The following ANKS1B variants were observed in gnomAD, a reference collection of about 807,000 sequenced individuals.
ANKS1B encodes ankyrin repeat and sterile alpha motif domain containing 1B.
ANKS1B carries 36 observed loss-of-function variants against 148.3 expected under a neutral mutation model. That is an observed-to-expected ratio of 0.24 (90% CI 0.19 to 0.32). The LOEUF (loss-of-function observed/expected upper bound fraction) is 0.32. Among genes scored for constraint, ANKS1B ranks in the 10% least tolerant of loss-of-function variants. The pLI, the probability that ANKS1B is intolerant of heterozygous loss-of-function variation, is 1.00. For missense variants in ANKS1B, 1,157 were observed against 1,542.6 expected (o/e 0.75, Z 4.19); for synonymous variants, 542 against 560.8 (o/e 0.97, Z 0.47).
rs1166545928 is a variant in ANKS1B at position 99,474,058 on chromosome 12, G to A, written c.1439-30249C>T. On this transcript the variant is annotated intron_variant, in intron 10 of 26. Coordinates refer to ENST00000683438, the MANE Select transcript of ANKS1B (RefSeq NM_001352186.2). ...GGCTGAAATATCCTTAGAAGAGTGA[G>A]TTAAGTTCTACTTAGTATGATCTAC... 4.6e-5 allele frequency among the ~76,000 whole-genome samples: 7 copies of A among 152,194 alleles called. No homozygotes were observed. In the East Asian group the frequency reaches 5.8e-4, roughly 13 times the overall value.
At chr12:99,217,497 C>T (rs2084397863) in intron 14 of ANKS1B, among the ~76,000 whole-genome samples, 2 of 152,102 alleles carry the variant, frequency 1.3e-5, no homozygotes, top group Non-Finnish European at 2.9e-5. Flanking sequence ...TCTTAAGATC[C>T]TCAGCTTCCT....
At chr12:99,863,029 A>G (rs1227005184) in intron 1 of ANKS1B, among the ~76,000 whole-genome samples, 1 of 152,220 alleles carries the variant, frequency 6.6e-6, no homozygotes, top group Non-Finnish European at 1.5e-5. Context: ...AGGAATAGAG[A>G]GGCAATCCCA....
At chr12:99,773,696 G>GA (rs1452319692) in intron 7 of ANKS1B, among the ~76,000 whole-genome samples, 3 of 151,908 alleles carry the variant, frequency 2.0e-5, no homozygotes, top group East Asian at 1.9e-4. Context: ...AATTTATTCT[G>GA]AAAAAAATGC....
intron 1 of ANKS1B, among the ~76,000 whole-genome samples, chr12:99,860,895 AACT>A (rs2089936359): frequency 6.6e-6 from 1 of 152,180 alleles, no homozygotes; most frequent in South Asian, 2.1e-4. Context: ...TGATAAATTA[AACT>A]ACATTTGCCC....
At chr12:99,728,857 CT>C (rs1165936474) in intron 8 of ANKS1B, among the ~76,000 whole-genome samples, 1 of 152,168 alleles carries the variant, frequency 6.6e-6, no homozygotes, top group African/African-American at 2.4e-5. Context: ...AACTAACTAA[CT>C]AACAGGAACA....
intron 19 of ANKS1B, among the ~76,000 whole-genome samples, chr12:98,817,786 A>C (rs1262400753): frequency 2.0e-5 from 3 of 152,212 alleles, no homozygotes; most frequent in Non-Finnish European, 4.4e-5. Flanking sequence ...AGAGTCAAGA[A>C]AATGCTGCTT....
chr12:99,600,661 G>A (rs1345006720), intron 9 of ANKS1B, among the ~76,000 whole-genome samples: 4 of 152,018 alleles, frequency 2.6e-5, no homozygotes, highest in South Asian at 2.1e-4. Context: ...CATCAATCAC[G>A]CCTGCCAAGA....
At position 99,335,777 on chromosome 12, in the gene ANKS1B, T is replaced by G. The variant is rs374745484; in HGVS notation, c.1756+63854A>C. ...ATTTGTCTGCTGATGGATGTTTAGG[T>G]TGCTTCCAAACTTTCGCTATTGTGA... On this transcript the variant is annotated intron_variant, in intron 12 of 26. Transcript: ENST00000683438. Among the ~76,000 whole-genome samples the G allele has an allele frequency of 3.3e-4, 51 of 152,264 alleles. 1 individual carries two copies. In the South Asian group the frequency reaches 0.011, roughly 32 times the overall value.
chr12:98,741,348 T>G (rs143988981), downstream of ANKS1B, among the ~76,000 whole-genome samples: 80 of 152,364 alleles, frequency 5.3e-4, no homozygotes, highest in African/African-American at 1.8e-3. Context: ...ATAAAGCTAC[T>G]GAACAAGTTC....
At chr12:99,423,989 G>T (rs1406824625) in intron 11 of ANKS1B, among the ~76,000 whole-genome samples, 1 of 151,944 alleles carries the variant, frequency 6.6e-6, no homozygotes, top group Non-Finnish European at 1.5e-5. Flanking sequence ...GAACTTGAGG[G>T]TTAAATTTTT....
chr12:99,780,528 C>T (rs769895772), intron 5 of ANKS1B, among the ~76,000 whole-genome samples: 133 of 151,984 alleles, frequency 8.8e-4, no homozygotes, highest in Non-Finnish European at 1.6e-3. Context: ...GTGATCTGCC[C>T]ACCTTGGCCT....
intron 14 of ANKS1B, among the ~76,000 whole-genome samples, chr12:99,189,079 C>T (rs2080284274): frequency 6.6e-6 from 1 of 152,138 alleles, no homozygotes; most frequent in African/African-American, 2.4e-5. Flanking sequence ...CATAAATAAA[C>T]TAGAAAATCT....
intron 11 of ANKS1B, among the ~76,000 whole-genome samples, chr12:99,406,766 T>C (rs1445277597): frequency 6.9e-6 from 1 of 145,494 alleles, no homozygotes; most frequent in Non-Finnish European, 1.5e-5. Context: ...GACAAACCTT[T>C]AGCCAGATTA....
At chr12:99,872,152 C>T (rs551661532) in intron 1 of ANKS1B, among the ~76,000 whole-genome samples, 84 of 152,110 alleles carry the variant, frequency 5.5e-4, no homozygotes, top group Non-Finnish European at 6.9e-4. Context: ...CATGTATTTC[C>T]AGGCGGAGTA....
chr12:99,264,454 A>G (rs2076238209), intron 12 of ANKS1B, among the ~76,000 whole-genome samples: 2 of 152,096 alleles, frequency 1.3e-5, no homozygotes, highest in Non-Finnish European at 2.9e-5. Flanking sequence ...TTTGAATTTG[A>G]TATGAATATT....
chr12:98,990,022 AAAAG>A (rs1457613205), intron 17 of ANKS1B, among the ~76,000 whole-genome samples: 1 of 152,056 alleles, frequency 6.6e-6, no homozygotes, highest in African/African-American at 2.4e-5. Flanking sequence ...GAAAGAAAGA[AAAAG>A]AAAGAAAAAC....
chr12:99,629,490 T>C (rs2098138422), intron 9 of ANKS1B, among the ~76,000 whole-genome samples: 1 of 152,190 alleles, frequency 6.6e-6, no homozygotes, highest in Non-Finnish European at 1.5e-5. Flanking sequence ...ATTTACTGTG[T>C]GCTCAACACT....
At chr12:99,845,123 GC>G (rs1456034103) in intron 1 of ANKS1B, among the ~76,000 whole-genome samples, 1 of 152,208 alleles carries the variant, frequency 6.6e-6, no homozygotes, top group Admixed American at 6.5e-5. Flanking sequence ...AGCTTAAGAA[GC>G]TTTTGGGCTG....
At chr12:99,035,872 G>T (rs187855105) in intron 17 of ANKS1B, among the ~76,000 whole-genome samples, 9 of 152,272 alleles carry the variant, frequency 5.9e-5, no homozygotes, top group Non-Finnish European at 5.9e-5. Context: ...CCATGGCTGG[G>T]CTTCGGGAAG....
Sources: gnomAD v4.1 joint callset for allele counts (sites outside exome capture counted in the v4.1 genomes callset) on GRCh38, gnomAD v4.1.1 for gene constraint, MANE v1.5 for transcripts, NCBI Gene and HGNC (gene_info 2026-07-23, HGNC 2026-07-21) for gene names.